The following ERG variants were observed in gnomAD, a reference collection of about 807,000 sequenced individuals.
ERG encodes transcriptional regulator ERG.
Under a neutral mutation model 55.3 loss-of-function variants are expected in ERG, and 9 were observed. The ratio of observed to expected loss-of-function variants is 0.16; its 90% CI spans 0.10 to 0.28. ERG has a LOEUF of 0.28. ERG is among the 10% of genes least tolerant of loss of function. ERG has a pLI of 1.00. For missense variants in ERG, 434 were observed against 631.6 expected (o/e 0.69, Z 3.35); for synonymous variants, 223 against 237.3 (o/e 0.94, Z 0.55).
chr21:38,388,973 T>C (rs1358247634), intron 9 of ERG, among the ~76,000 whole-genome samples: 2 of 152,196 alleles, frequency 1.3e-5, no homozygotes, highest in African/African-American at 4.8e-5. Flanking sequence ...GTCATGGACA[T>C]ATATGTTTCA....
intron 2 of ERG, among the ~76,000 whole-genome samples, chr21:38,548,436 A>G (rs967198307): frequency 1.5e-4 from 22 of 151,398 alleles, no homozygotes; most frequent in Non-Finnish European, 3.2e-4. Flanking sequence ...TTAAACAGAG[A>G]CCATTATCAT....
At chr21:38,601,425 A>AG (rs1377958899) in intron 1 of ERG, among the ~76,000 whole-genome samples, 1 of 151,912 alleles carries the variant, frequency 6.6e-6, no homozygotes, top group Non-Finnish European at 1.5e-5. Context: ...ATGCTCACTA[A>AG]GAAAAAAAAA....
upstream of ERG, among the ~76,000 whole-genome samples, chr21:38,585,639 TG>T (rs1453662991): frequency 1.4e-5 from 2 of 147,262 alleles, no homozygotes; most frequent in Non-Finnish European, 3.0e-5. Flanking sequence ...CCTTACAACA[TG>T]AGAAATTGTA....
At chr21:38,614,250 G>A (rs2060245789) in intron 1 of ERG, among the ~76,000 whole-genome samples, 1 of 152,196 alleles carries the variant, frequency 6.6e-6, no homozygotes. Flanking sequence ...AAGTATGGGA[G>A]AACGTTGGAT....
At position 38,482,866 on chromosome 21, in the gene ERG, C is replaced by T. The variant is rs144744005; in HGVS notation, c.18+15497G>A. Among the ~76,000 whole-genome samples the T allele has an allele frequency of 4.4e-3, 675 of 152,182 alleles. 5 individuals are homozygous for T. Among genetic ancestry groups the T allele is most frequent in the African/African-American group, 0.015 (629 of 41,520 alleles). ...CTAATTATTAAATTTTTAGTAGAGA[C>T]GGGCTTTCACCATGTTGGCCAGGCT... On this transcript the variant is annotated intron_variant, in intron 1 of 9. Transcript: ENST00000288319.
At chr21:38,472,239 G>A (rs944946851) in intron 1 of ERG, among the ~76,000 whole-genome samples, 1 of 152,076 alleles carries the variant, frequency 6.6e-6, no homozygotes, top group South Asian at 2.1e-4. Context: ...GCATGAAACG[G>A]TGCACTATTA....
In ERG at chr21:38,420,778, G is replaced by C. The variant is rs191812727; in HGVS notation, c.388+2632C>G. On this transcript the variant is annotated intron_variant, in intron 3 of 9. Coordinates refer to ENST00000288319, the MANE Select transcript of ERG (RefSeq NM_182918.4). The stretch of plus-strand genomic sequence containing the variant: ...GCCTCATGGAAATACAGCCTCACCA[G>C]TTAGAAGATGGTACCAGGCATTACC... 2.0e-5 allele frequency among the ~76,000 whole-genome samples: 3 copies of C among 152,280 alleles called. No homozygotes were observed. In the East Asian group the frequency reaches 5.8e-4, roughly 29 times the overall value.
At chr21:38,624,865 C>A (rs2060315088) in intron 1 of ERG, among the ~76,000 whole-genome samples, 1 of 152,184 alleles carries the variant, frequency 6.6e-6, no homozygotes, top group Non-Finnish European at 1.5e-5. Flanking sequence ...ATCTCCCCCA[C>A]TAGACTATAA....
intron 1 of ERG, among the ~76,000 whole-genome samples, chr21:38,486,109 A>C (rs576311838): frequency 1.6e-4 from 24 of 150,998 alleles, no homozygotes; most frequent in African/African-American, 5.4e-4. Flanking sequence ...AATTTTTTAT[A>C]TTTTTAGTAG....
intron 1 of ERG, among the ~76,000 whole-genome samples, chr21:38,599,685 G>A (rs1324415723): frequency 6.6e-6 from 1 of 152,170 alleles, no homozygotes; most frequent in African/African-American, 2.4e-5. Context: ...CGAACAATAG[G>A]CTTTTAAAAA....
chr21:38,612,957 G>C (rs1568949673), intron 1 of ERG, among the ~76,000 whole-genome samples: 1 of 152,098 alleles, frequency 6.6e-6, no homozygotes, highest in Non-Finnish European at 1.5e-5. Context: ...CACCATGCCC[G>C]GCCCTTTCTT....
intron 1 of ERG, among the ~76,000 whole-genome samples, chr21:38,598,208 A>G (rs2060143508): frequency 6.6e-6 from 1 of 152,250 alleles, no homozygotes; most frequent in Non-Finnish European, 1.5e-5. Flanking sequence ...AGTCCCTGTC[A>G]GGCTGCAGAG....
In ERG at chr21:38,381,494, G is replaced by A. The variant is rs1345097018; in HGVS notation, c.*1909C>T. The A allele has an allele frequency of 1.9e-6, 2 of 1,063,628 alleles. No homozygotes were observed. Among genetic ancestry groups the A allele is most frequent in the Non-Finnish European group, 2.3e-6 (2 of 878,352 alleles). 65.9% of individuals were successfully genotyped at this position (1,063,628 alleles called of 1,614,324 possible). A position where few individuals can be genotyped will look rare whatever the true frequency, so the allele number is the denominator to read the frequency against. On this transcript the variant is annotated 3_prime_UTR_variant, in exon 10 of 10. Transcript: ENST00000288319. ...GTGCCCAGGTAACTCTGATGTAGCA[G>A]GACTAAAGCTGTCTACCTAGTGAGA...
intron 1 of ERG, among the ~76,000 whole-genome samples, chr21:38,653,855 C>T (rs571019108): frequency 1.1e-4 from 16 of 152,274 alleles, no homozygotes; most frequent in Non-Finnish European, 1.2e-4. Flanking sequence ...TGTATTTTCA[C>T]GTTGCTTAAG....
At chr21:38,531,139 C>A (rs940694564) in intron 2 of ERG, among the ~76,000 whole-genome samples, 1 of 152,148 alleles carries the variant, frequency 6.6e-6, no homozygotes. Flanking sequence ...AGCTTATGGT[C>A]AGGAAGCCTG....
At chr21:38,514,600 T>C (rs745561882) in intron 2 of ERG, among the ~76,000 whole-genome samples, 3 of 151,960 alleles carry the variant, frequency 2.0e-5, no homozygotes, top group South Asian at 2.1e-4. Flanking sequence ...ATCCTACAAA[T>C]TGATAAAAGG....
chr21:38,414,513 C>G (rs568277188), intron 3 of ERG, among the ~76,000 whole-genome samples: 2 of 152,344 alleles, frequency 1.3e-5, no homozygotes, highest in South Asian at 4.1e-4. Context: ...AACAGAAGAA[C>G]TGCACTTTTT....
the ERG span, among the ~76,000 whole-genome samples, chr21:38,370,270 C>T: frequency 6.6e-6 from 1 of 152,024 alleles, no homozygotes; most frequent in African/African-American, 2.4e-5. Context: ...AATTCTTTTG[C>T]ATATTTCCCA....
In ERG at chr21:38,460,071, G is replaced by A. The variant is rs1042935710; in HGVS notation, c.19-14450C>T. ...GTGGCCAGGGTGGTCCTGAGAAAAC[G>A]CGAAGGAGGGGAGGGTGTGAGCCCC... On this transcript the variant is annotated intron_variant, in intron 1 of 9. Transcript: ENST00000288319. This position sits in a 1 kb window ranked among gnomAD's most constrained non-coding sequence, Gnocchi z 5.0. Among the ~76,000 whole-genome samples, 7 of 152,182 alleles carry A rather than the reference G, an allele frequency of 4.6e-5. No individual in the cohort carries two copies. Among genetic ancestry groups the A allele is most frequent in the East Asian group, 1.9e-4 (1 of 5,190 alleles).
Sources: allele counts gnomAD v4.1 joint callset (sites outside exome capture counted in the v4.1 genomes callset), GRCh38; gene constraint gnomAD v4.1.1; non-coding constraint Gnocchi (gnomAD v3.1); transcripts MANE v1.5; gene names NCBI Gene and HGNC (gene_info 2026-07-23, HGNC 2026-07-21).